The following RIMS2 variants were observed in gnomAD, a reference collection of about 807,000 sequenced individuals.
RIMS2 encodes regulating synaptic membrane exocytosis protein 2.
RIMS2 carries 59 observed loss-of-function variants against 174.4 expected under a neutral mutation model. The ratio of observed to expected loss-of-function variants is 0.34; its 90% CI spans 0.27 to 0.42. The LOEUF is 0.42. Ranked by LOEUF, RIMS2 falls within the 10% of genes least tolerant of loss-of-function variation. The pLI is 1.00. For synonymous variants in RIMS2, 606 were observed against 572.5 expected, an observed-to-expected ratio of 1.06 and a Z score of -0.84; for missense variants, 1,620 against 1,666.3, an observed-to-expected ratio of 0.97 and a Z score of 0.48.
At chr8:104,026,330 A>G (rs531953609) in intron 19 of RIMS2, among the ~76,000 whole-genome samples, 1 of 152,336 alleles carries the variant, frequency 6.6e-6, no homozygotes, top group Non-Finnish European at 1.5e-5. Flanking sequence ...GAATTTTTGG[A>G]GATGTGGCTG....
intron 3 of RIMS2, among the ~76,000 whole-genome samples, chr8:103,859,753 G>A (rs1489943040): frequency 6.6e-6 from 1 of 151,948 alleles, no homozygotes; most frequent in African/African-American, 2.4e-5. Context: ...TGTGGGTAAG[G>A]GGGACTCTCC....
chr8:103,936,498 G>T (rs1205279971), intron 12 of RIMS2, 53 bp from the exon 15 acceptor site: 25 of 1,222,836 alleles, frequency 2.0e-5, no homozygotes, highest in Middle Eastern at 2.1e-4. Context: ...AAAAATTTTA[G>T]GACAAAACTT....
intron 3 of RIMS2, among the ~76,000 whole-genome samples, chr8:103,774,294 T>C (rs781177471): frequency 1.3e-5 from 2 of 152,230 alleles, no homozygotes; most frequent in Non-Finnish European, 2.9e-5. Context: ...AAATATGTAC[T>C]TTCCCAATGA....
At chr8:103,607,319 G>C (rs1279791675) in intron 1 of RIMS2, among the ~76,000 whole-genome samples, 1 of 151,974 alleles carries the variant, frequency 6.6e-6, no homozygotes, top group Admixed American at 6.6e-5. Flanking sequence ...TAAGAATGTT[G>C]AATATTGGCC....
chr8:103,533,239 A>G (rs567029681), intron 1 of RIMS2, among the ~76,000 whole-genome samples: 13 of 152,328 alleles, frequency 8.5e-5, no homozygotes, highest in African/African-American at 3.1e-4. Context: ...TATCTAGAGA[A>G]AATAAACATT....
intron 11 of RIMS2, among the ~76,000 whole-genome samples, chr8:103,928,859 A>G (rs2079304322): frequency 6.6e-6 from 1 of 151,462 alleles, no homozygotes; most frequent in African/African-American, 2.4e-5. Context: ...TTGTGAAGAT[A>G]TGTTTGTTAT....
chr8:104,087,885 G>C (rs114386577), intron 19 of RIMS2, among the ~76,000 whole-genome samples: 1 of 152,034 alleles, frequency 6.6e-6, no homozygotes, highest in African/African-American at 2.4e-5. Context: ...CTTTACTGCA[G>C]ACTCCTTCCT....
chr8:103,700,159 A>G (rs2097151410), intron 2 of RIMS2, among the ~76,000 whole-genome samples: 1 of 151,994 alleles, frequency 6.6e-6, no homozygotes, highest in Non-Finnish European at 1.5e-5. Flanking sequence ...TTGTTAAGAG[A>G]GGGGTTTTGA....
chr8:103,675,025 T>C (rs1352647186), intron 1 of RIMS2, among the ~76,000 whole-genome samples: 1 of 152,160 alleles, frequency 6.6e-6, no homozygotes, highest in Non-Finnish European at 1.5e-5. Context: ...ATTCTCCTGC[T>C]TCAGCCTCCT....
chr8:103,612,946 T>G (rs150282090), intron 1 of RIMS2, among the ~76,000 whole-genome samples: 1 of 152,306 alleles, frequency 6.6e-6, no homozygotes, highest in African/African-American at 2.4e-5. Context: ...GGAACTGGGT[T>G]GTGTGTTGAT....
intron 3 of RIMS2, among the ~76,000 whole-genome samples, chr8:103,814,822 C>G (rs1239777951): frequency 1.3e-5 from 2 of 152,118 alleles, no homozygotes; most frequent in Non-Finnish European, 2.9e-5. Context: ...GGAGTTACAC[C>G]TGGGTGACAG....
At chr8:103,621,358 A>G (rs746991906) in intron 1 of RIMS2, among the ~76,000 whole-genome samples, 1 of 152,174 alleles carries the variant, frequency 6.6e-6, no homozygotes, top group Admixed American at 6.5e-5. Context: ...ATTTGTCCCG[A>G]TTGGTTAGCA....
At chr8:104,022,116 A>G (rs567644466) in intron 19 of RIMS2, among the ~76,000 whole-genome samples, 1 of 152,348 alleles carries the variant, frequency 6.6e-6, no homozygotes, top group African/African-American at 2.4e-5. Context: ...CTACAGAAGT[A>G]ACTGGAGAAG....
At chr8:104,094,689 A>G (rs2130428175) in intron 19 of RIMS2, 1 of 696,784 alleles carries the variant, frequency 1.4e-6, no homozygotes, top group South Asian at 1.5e-5. Flanking sequence ...ACAGTGGAAT[A>G]AAGAGGATTT....
chr8:104,063,049 T>A (rs1171392543), intron 19 of RIMS2, among the ~76,000 whole-genome samples: 1 of 151,994 alleles, frequency 6.6e-6, no homozygotes, highest in Non-Finnish European at 1.5e-5. Context: ...ATCAGTTAGA[T>A]GTATTAAAAC....
In RIMS2 at chr8:104,064,214, G is replaced by A. The variant is rs193025535; in HGVS notation, c.3334+49599G>A. Among the ~76,000 whole-genome samples the A allele has an allele frequency of 2.0e-5, 3 of 152,168 alleles. No homozygotes were observed. The East Asian group carries it at 5.8e-4, about 29-fold the overall frequency. On this transcript the variant is annotated intron_variant, in intron 19 of 23. Transcript: ENST00000504942. Reference sequence around the variant, plus strand: ...GAATTAATTTTTTATTTAAGAAGAAGTAAATCTCTTTAAAGACTTACACCA... The same window carrying A: ...GAATTAATTTTTTATTTAAGAAGAAATAAATCTCTTTAAAGACTTACACCA...
At chr8:103,743,261 ATTTC>A (rs2097777707) in intron 2 of RIMS2, among the ~76,000 whole-genome samples, 1 of 152,148 alleles carries the variant, frequency 6.6e-6, no homozygotes, top group Non-Finnish European at 1.5e-5. Flanking sequence ...TCAGCCATAT[ATTTC>A]TTTCTTTTCA....
At chr8:104,242,896 C>G (rs1017410999) in intron 19 of RIMS2, among the ~76,000 whole-genome samples, 2 of 151,732 alleles carry the variant, frequency 1.3e-5, no homozygotes, top group Non-Finnish European at 2.9e-5. Context: ...TTTTTTTTTC[C>G]TTTAACAATT....
At chr8:103,960,070 A>T (rs1565538067) in intron 14 of RIMS2, among the ~76,000 whole-genome samples, 1 of 152,150 alleles carries the variant, frequency 6.6e-6, no homozygotes, top group Non-Finnish European at 1.5e-5. Flanking sequence ...CAGGAGCTGG[A>T]TTTTTTTAAA....
Sources: gnomAD v4.1 joint callset for allele counts (sites outside exome capture counted in the v4.1 genomes callset) on GRCh38, gnomAD v4.1.1 for gene constraint, MANE v1.5 for transcripts, NCBI Gene and HGNC (gene_info 2026-07-23, HGNC 2026-07-21) for gene names.